Variants in RREB1 observed in about 807,000 individuals in gnomAD.
RREB1 encodes ras-responsive element-binding protein 1.
RREB1 carries 27 observed loss-of-function variants against 117.8 expected under a neutral mutation model. That is an observed-to-expected ratio of 0.23 (90% CI 0.17 to 0.32). RREB1 has a LOEUF of 0.32. Ranked by LOEUF, RREB1 falls within the 10% of genes least tolerant of loss-of-function variation. The pLI, the probability that RREB1 is intolerant of heterozygous loss-of-function variation, is 1.00. For synonymous variants in RREB1, 1,298 were observed against 1,026.7 expected, an observed-to-expected ratio of 1.26 and a Z score of -5.05; for missense variants, 2,577 against 2,378.2, an observed-to-expected ratio of 1.08 and a Z score of -1.74.
chr6:7,146,996 T>A (rs1762896288), intron 1 of RREB1, among the ~76,000 whole-genome samples: 1 of 152,202 alleles, frequency 6.6e-6, no homozygotes, highest in Non-Finnish European at 1.5e-5. Flanking sequence ...TTTTGTAGTT[T>A]ATGGTCTCCA....
At chr6:7,110,931 C>G (rs1761111738) in intron 1 of RREB1, among the ~76,000 whole-genome samples, 1 of 152,182 alleles carries the variant, frequency 6.6e-6, no homozygotes. Flanking sequence ...TTATGGCAGA[C>G]AAGTATTTGT....
chr6:7,186,443 A>G (rs1294295974), intron 4 of RREB1, among the ~76,000 whole-genome samples: 18 of 152,204 alleles, frequency 1.2e-4, no homozygotes, highest in Admixed American at 1.2e-3. Flanking sequence ...GGTTAAATGC[A>G]TAGAAACCAA....
chr6:7,158,231 T>G (rs961591672), intron 1 of RREB1, among the ~76,000 whole-genome samples: 4 of 152,144 alleles, frequency 2.6e-5, no homozygotes, highest in African/African-American at 9.7e-5. Context: ...CTCTCTTCCT[T>G]TCTGCCCTTT....
At chr6:7,236,899 T>TTTTG (rs1768369011) in intron 10 of RREB1, among the ~76,000 whole-genome samples, 3 of 136,858 alleles carry the variant, frequency 2.2e-5, no homozygotes, top group African/African-American at 8.3e-5. Flanking sequence ...TTTTTTTTTT[T>TTTTG]TTTTTTTTTT....
intron 1 of RREB1, among the ~76,000 whole-genome samples, chr6:7,173,737 C>T (rs1764351905): frequency 6.6e-6 from 1 of 151,684 alleles, no homozygotes; most frequent in Non-Finnish European, 1.5e-5. Context: ...ACAAGAATCG[C>T]CTGAACCAGG....
chr6:7,133,164 A>AC (rs1165016282), intron 1 of RREB1, among the ~76,000 whole-genome samples: 5 of 151,930 alleles, frequency 3.3e-5, no homozygotes, highest in African/African-American at 4.8e-5. Flanking sequence ...TTTTCCTTAT[A>AC]CCTCCTTAGC....
intron 8 of RREB1, among the ~76,000 whole-genome samples, chr6:7,226,110 C>G (rs1018610810): frequency 1.3e-5 from 2 of 152,138 alleles, no homozygotes; most frequent in Non-Finnish European, 2.9e-5. Context: ...AGAGAGAAAC[C>G]TCTGACATGA....
At chr6:7,184,839 T>A (rs1764997053) in intron 4 of RREB1, 1 of 152,102 alleles carries the variant, frequency 6.6e-6, no homozygotes, top group African/African-American at 2.4e-5. Flanking sequence ...AACATGTATT[T>A]ACATCCTATT....
chr6:7,187,156 TACTGACTATGATCCCAGC>T (rs1225341290), intron 4 of RREB1, among the ~76,000 whole-genome samples: 1 of 152,240 alleles, frequency 6.6e-6, no homozygotes, highest in Non-Finnish European at 1.5e-5. Context: ...ATTGATTGAG[TACTGACTATGATCCCAGC>T]ACTGTTCTAG....
intron 1 of RREB1, among the ~76,000 whole-genome samples, chr6:7,152,082 T>A (rs1312850274): frequency 6.6e-6 from 1 of 152,204 alleles, no homozygotes; most frequent in African/African-American, 2.4e-5. Context: ...GAAAATCACC[T>A]TGCTAAATAA....
intron 5 of RREB1, among the ~76,000 whole-genome samples, chr6:7,188,246 T>TGTGTGC (rs1235291876): frequency 7.0e-6 from 1 of 143,548 alleles, no homozygotes; most frequent in Non-Finnish European, 1.5e-5. Flanking sequence ...TGTGTGTGTG[T>TGTGTGC]GTGTGTGCGC....
In RREB1 at chr6:7,231,754, A is replaced by G. The variant is rs781069630; in HGVS notation, c.3655A>G (p.Ser1219Gly). The G allele has an allele frequency of 8.1e-6, 13 of 1,613,744 alleles. No homozygotes were observed. Among genetic ancestry groups the G allele is most frequent in the African/African-American group, 4.0e-5 (3 of 74,932 alleles). ...AGCCCCTGCCGACCACCATGGGCCC[A>G]GTGATGAAGAGCAGGGCAGTCCCCC... The part of the protein sequence containing the change: ...AGAPADHHGP[S>G]DEEQGSPPED... Residue 1219 changes from serine (S) to glycine (G), a missense_variant, in exon 10 of 13, where the codon AGT (serine) becomes GGT (glycine). By Grantham distance (56) the Ser-to-Gly change is moderately conservative. Transcript: ENST00000379938.
At chr6:7,132,275 G>A (rs888134574) in intron 1 of RREB1, among the ~76,000 whole-genome samples, 2 of 152,042 alleles carry the variant, frequency 1.3e-5, no homozygotes, top group African/African-American at 2.4e-5. Context: ...GGCTGGACTC[G>A]AACTCCTGAC....
intron 1 of RREB1, among the ~76,000 whole-genome samples, chr6:7,157,787 A>T (rs995890255): frequency 6.6e-6 from 1 of 151,614 alleles, no homozygotes; most frequent in Non-Finnish European, 1.5e-5. Flanking sequence ...AATCCAACTT[A>T]CGAGTTCTCT....
intron 1 of RREB1, among the ~76,000 whole-genome samples, chr6:7,172,056 C>T (rs1055300902): frequency 6.6e-6 from 1 of 152,024 alleles, no homozygotes; most frequent in Non-Finnish European, 1.5e-5. Flanking sequence ...TGCAATCCTC[C>T]TGCCTCAGCC....
In RREB1 at chr6:7,249,799, ATATTATTAT is replaced by A. The variant is rs60940908; in HGVS notation, c.*849_*857del. The A allele has an allele frequency of 1.3e-5, 2 of 150,356 alleles. No homozygotes were observed. The highest frequency in any genetic ancestry group is 3.0e-5 in the Non-Finnish European group (2 of 67,614). 9.3% of individuals were successfully genotyped at this position (150,356 alleles called of 1,614,324 possible). A position where few individuals can be genotyped will look rare whatever the true frequency, so the allele number is the denominator to read the frequency against. ...TTCCCTTTCAGTATATGTATTATTAATATTATTATTATTATTATTATTATTAGTTCATCA... is the reference window on the plus strand; with the variant it reads ...TTCCCTTTCAGTATATGTATTATTAATATTATTATTATTATTAGTTCATCA... On this transcript the variant is annotated 3_prime_UTR_variant, in exon 13 of 13. Coordinates refer to ENST00000379938, the MANE Select transcript of RREB1 (RefSeq NM_001003699.4).
chr6:7,170,782 C>G (rs1025243952), intron 1 of RREB1, among the ~76,000 whole-genome samples: 3 of 152,140 alleles, frequency 2.0e-5, no homozygotes, highest in African/African-American at 2.4e-5. Flanking sequence ...GGTTTTTGCT[C>G]TGGAGGTGTA....
chr6:7,198,556 A>G (rs966915379), intron 6 of RREB1, among the ~76,000 whole-genome samples: 3 of 152,182 alleles, frequency 2.0e-5, no homozygotes, highest in Non-Finnish European at 4.4e-5. Context: ...GTTCGTGTAA[A>G]TGTGATTTTA....
intron 1 of RREB1, among the ~76,000 whole-genome samples, chr6:7,115,369 C>G (rs2113291313): frequency 6.7e-6 from 1 of 149,100 alleles, no homozygotes; most frequent in Admixed American, 6.7e-5. Flanking sequence ...ACCCCCCAGC[C>G]TATCACACAG....
Sources: allele counts gnomAD v4.1 joint callset (sites outside exome capture counted in the v4.1 genomes callset), GRCh38; gene constraint gnomAD v4.1.1; transcripts MANE v1.5; gene names NCBI Gene and HGNC (gene_info 2026-07-23, HGNC 2026-07-21).